ARAP2: variants seen among roughly 807,000 people sequenced by gnomAD.
The protein encoded by ARAP2 is ArfGAP with RhoGAP domain, ankyrin repeat and PH domain 2, also known as arf-GAP with Rho-GAP domain, ANK repeat and PH domain-containing protein 2.
In ARAP2, 148 loss-of-function variants were observed where a neutral mutation model predicts 194.5. The observed-to-expected ratio is 0.76, with a 90% CI of 0.67 to 0.87. ARAP2 has a LOEUF of 0.87. Among genes scored for constraint, ARAP2 ranks in the 40% least tolerant of loss-of-function variants. The pLI is 0.00. For synonymous variants in ARAP2, 695 were observed against 683.5 expected, an observed-to-expected ratio of 1.02 and a Z score of -0.26; for missense variants, 2,128 against 1,989.7, an observed-to-expected ratio of 1.07 and a Z score of -1.32.
chr4:36,224,031 G>A (rs1468659636), intron 2 of ARAP2, among the ~76,000 whole-genome samples: 1 of 151,592 alleles, frequency 6.6e-6, no homozygotes, highest in African/African-American at 2.4e-5. Context: ...AAAAGTGAGT[G>A]TTCAGCATAC....
At chr4:36,137,135 T>C (rs1018137912) in intron 19 of ARAP2, among the ~76,000 whole-genome samples, 1 of 151,856 alleles carries the variant, frequency 6.6e-6, no homozygotes, top group Non-Finnish European at 1.5e-5. Context: ...ACGTATGCAT[T>C]AGTTTTGACA....
intron 1 of ARAP2, among the ~76,000 whole-genome samples, chr4:36,240,303 T>C (rs895832883): frequency 3.9e-5 from 6 of 152,232 alleles, no homozygotes; most frequent in Non-Finnish European, 8.8e-5. Context: ...GTCTGCATAG[T>C]AGTATTACAT....
intron 8 of ARAP2, among the ~76,000 whole-genome samples, chr4:36,015,210 A>G (rs981357720): frequency 6.6e-6 from 1 of 152,186 alleles, no homozygotes; most frequent in African/African-American, 2.4e-5. Flanking sequence ...CATTCCTCTG[A>G]TATAAAAGAT....
chr4:36,047,669 T>C (rs143249983), intron 3 of ARAP2, among the ~76,000 whole-genome samples: 276 of 152,322 alleles, frequency 1.8e-3, no homozygotes, highest in African/African-American at 6.5e-3. Context: ...TTCATCCTTC[T>C]CAGGTGGACA....
chr4:36,241,720 A>G (rs1753547405), intron 1 of ARAP2, among the ~76,000 whole-genome samples: 1 of 152,228 alleles, frequency 6.6e-6, no homozygotes, highest in South Asian at 2.1e-4. Context: ...TCCAAAAAAA[A>G]CACTTAAATT....
intron 31 of ARAP2, among the ~76,000 whole-genome samples, 197 bp downstream of exon 31, chr4:36,080,019 C>G (rs987396461): frequency 6.6e-6 from 1 of 152,116 alleles, no homozygotes; most frequent in South Asian, 2.1e-4. Context: ...GGAATAAACT[C>G]TCTTTCAAAA....
At chr4:36,152,964 T>G (rs1390343986) in intron 15 of ARAP2, among the ~76,000 whole-genome samples, 1 of 152,216 alleles carries the variant, frequency 6.6e-6, no homozygotes, top group Non-Finnish European at 1.5e-5. Flanking sequence ...CTCTCTCACT[T>G]AGACAAGTGG....
chr4:36,129,788 A>G (rs1724951820), intron 20 of ARAP2, among the ~76,000 whole-genome samples: 1 of 151,808 alleles, frequency 6.6e-6, no homozygotes, highest in South Asian at 2.1e-4. Context: ...TTTAATTTCC[A>G]TGATTTCACA....
chr4:36,230,879 T>A (rs1043127598), intron 1 of ARAP2, among the ~76,000 whole-genome samples: 1 of 152,222 alleles, frequency 6.6e-6, no homozygotes, highest in Admixed American at 6.5e-5. Flanking sequence ...CAGCAAGCAG[T>A]AACAAACAGG....
At chr4:36,225,502 G>T (rs1750117119) in intron 2 of ARAP2, among the ~76,000 whole-genome samples, 1 of 152,012 alleles carries the variant, frequency 6.6e-6, no homozygotes, top group South Asian at 2.1e-4. Flanking sequence ...GAAGGAGCTG[G>T]TGCTTGGAGC....
intron 21 of ARAP2, among the ~76,000 whole-genome samples, chr4:36,126,876 C>T (rs949625035): frequency 6.6e-6 from 1 of 152,034 alleles, no homozygotes; most frequent in Non-Finnish European, 1.5e-5. Flanking sequence ...TCAGCCCTGT[C>T]ACCCAGGCTG....
At chr4:36,080,307 C>T in intron 30 of ARAP2, 28 bp from the exon 31 acceptor site, 2 of 1,582,414 alleles carry the variant, frequency 1.3e-6, no homozygotes, top group Non-Finnish European at 1.7e-6. Flanking sequence ...TAAACTATGT[C>T]ATTCAAAAAG....
chr4:36,219,426 G>T (rs1055016777), intron 2 of ARAP2, among the ~76,000 whole-genome samples: 5 of 152,172 alleles, frequency 3.3e-5, no homozygotes, highest in Admixed American at 6.5e-5. Context: ...GACCTGCTGT[G>T]TGACTCCATT....
Position 36,066,945 on chromosome 4 carries a change from A to AT in ARAP2, c.*961dup, listed in dbSNP as rs1296443887. The AT allele has an allele frequency of 6.6e-6, 1 of 152,144 alleles. No individual in the cohort carries two copies. The highest frequency in any genetic ancestry group is 1.5e-5 in the Non-Finnish European group (1 of 68,036). 9.4% of individuals were successfully genotyped at this position (152,144 alleles called of 1,614,324 possible). On this transcript the variant is annotated 3_prime_UTR_variant, in exon 33 of 33. Transcript: ENST00000303965. ...GAAAAACATTACAACCTTAATAATA[A>AT]TTTAAAAAAATCTAAAAATCAAACA...
chr4:36,196,952 G>C (rs1743243756), intron 6 of ARAP2, among the ~76,000 whole-genome samples: 2 of 151,494 alleles, frequency 1.3e-5, no homozygotes, highest in Middle Eastern at 3.4e-3. Flanking sequence ...ATTTCACCAA[G>C]TGACCATTCC....
At chr4:36,079,918 A>G (rs1478753439) in intron 31 of ARAP2, among the ~76,000 whole-genome samples, 1 of 152,152 alleles carries the variant, frequency 6.6e-6, no homozygotes, top group Admixed American at 6.5e-5. Context: ...GACAGCTTAG[A>G]AAAGTCCCTC....
intron 31 of ARAP2, among the ~76,000 whole-genome samples, chr4:36,075,302 C>T (rs1199427686): frequency 6.6e-6 from 1 of 152,070 alleles, no homozygotes; most frequent in African/African-American, 2.4e-5. Flanking sequence ...ACTGTGAATA[C>T]CAGCTAACTC....
At chr4:36,150,835 C>G (rs987464269) in intron 16 of ARAP2, 65 bp downstream of exon 16, 138 of 1,520,870 alleles carry the variant, frequency 9.1e-5, no homozygotes, top group Non-Finnish European at 1.2e-4. Flanking sequence ...TAACAAAACT[C>G]TCATTACCTG....
At chr4:36,211,733 G>A (rs547621269) in intron 5 of ARAP2, among the ~76,000 whole-genome samples, 103 of 152,250 alleles carry the variant, frequency 6.8e-4, no homozygotes, top group African/African-American at 2.4e-3. Flanking sequence ...AAAGAGGAAT[G>A]CTTTGGGGGA....
Sources: gnomAD v4.1 joint callset for allele counts (sites outside exome capture counted in the v4.1 genomes callset) on GRCh38, gnomAD v4.1.1 for gene constraint, MANE v1.5 for transcripts, NCBI Gene and HGNC (gene_info 2026-07-23, HGNC 2026-07-21) for gene names.